The following DENND1A variants were observed in gnomAD, a reference collection of about 807,000 sequenced individuals.
DENND1A encodes DENN domain containing 1A, also known as DENN domain-containing protein 1A.
A neutral mutation model predicts 113.7 loss-of-function variants in DENND1A; 51 were observed. That is an observed-to-expected ratio of 0.45 (90% confidence interval 0.36 to 0.57). The LOEUF is 0.57. DENND1A is among the 20% of genes least tolerant of loss of function. DENND1A has a pLI of 0.00. For missense variants in DENND1A, 1,258 were observed against 1,395.9 expected (o/e 0.90, Z 1.57); for synonymous variants, 565 against 570.8 (o/e 0.99, Z 0.14).
At chr9:123,385,129 C>G (rs2042490673) in intron 22 of DENND1A, among the ~76,000 whole-genome samples, 1 of 152,190 alleles carries the variant, frequency 6.6e-6, no homozygotes, top group Admixed American at 6.5e-5. Flanking sequence ...ACCCTTACCT[C>G]TAGTGGAGCC....
chr9:123,725,773 C>T (rs2067663003), intron 5 of DENND1A, among the ~76,000 whole-genome samples: 1 of 152,246 alleles, frequency 6.6e-6, no homozygotes, highest in South Asian at 2.1e-4. Context: ...ACTTCTTGTG[C>T]TTTCGGGCTG....
At chr9:123,622,743 A>G (rs1345534310) in intron 10 of DENND1A, among the ~76,000 whole-genome samples, 1 of 152,212 alleles carries the variant, frequency 6.6e-6, no homozygotes, top group Non-Finnish European at 1.5e-5. Context: ...AGCTATATTT[A>G]CCTTGCAGCT....
At chr9:123,752,721 C>G (rs182380599) in intron 5 of DENND1A, among the ~76,000 whole-genome samples, 87 of 152,220 alleles carry the variant, frequency 5.7e-4, no homozygotes, top group African/African-American at 2.0e-3. Context: ...ATATCAAGTG[C>G]CATAACAAAT....
At chr9:123,897,435 C>T (rs749200886) in intron 1 of DENND1A, among the ~76,000 whole-genome samples, 2 of 152,212 alleles carry the variant, frequency 1.3e-5, no homozygotes. Context: ...CCTTTCCCTA[C>T]AACCAGAGGA....
intron 9 of DENND1A, among the ~76,000 whole-genome samples, chr9:123,650,906 CA>C (rs76905879): frequency 0.1 from 3,734 of 35,682 alleles, 60 homozygotes; most frequent in African/African-American, 0.22. Context: ...GACTCTGTCT[CA>C]AAAAAAAAAA....
chr9:123,860,857 G>A (rs1037270457), intron 2 of DENND1A, among the ~76,000 whole-genome samples: 2 of 152,154 alleles, frequency 1.3e-5, no homozygotes, highest in African/African-American at 4.8e-5. Flanking sequence ...TGTGCATATT[G>A]TGAAATCTCA....
chr9:123,633,397 G>A (rs976367790), intron 9 of DENND1A, among the ~76,000 whole-genome samples: 2 of 151,934 alleles, frequency 1.3e-5, no homozygotes, highest in Non-Finnish European at 2.9e-5. Context: ...TATACTCACA[G>A]TACAAAGACA....
chr9:123,633,763 A>G (rs10818852), intron 9 of DENND1A, among the ~76,000 whole-genome samples: 66,748 of 151,974 alleles, frequency 0.44, 15,503 homozygotes, highest in African/African-American at 0.59. Context: ...GCAACAGAGC[A>G]AGACTCTGTC....
At chr9:123,911,455 A>C (rs1853943706) in intron 1 of DENND1A, among the ~76,000 whole-genome samples, 1 of 152,246 alleles carries the variant, frequency 6.6e-6, no homozygotes, top group Admixed American at 6.5e-5. Context: ...GTTAACTGTA[A>C]GACATCTATA....
At chr9:123,899,550 T>C (rs1055397474) in intron 1 of DENND1A, among the ~76,000 whole-genome samples, 6 of 152,218 alleles carry the variant, frequency 3.9e-5, no homozygotes, top group Non-Finnish European at 8.8e-5. Flanking sequence ...CTTTATCACC[T>C]GCTACTCCCT....
At chr9:123,600,524 C>A (rs2059895819) in intron 11 of DENND1A, among the ~76,000 whole-genome samples, 1 of 152,160 alleles carries the variant, frequency 6.6e-6, no homozygotes, top group Admixed American at 6.5e-5. Context: ...GACCCTCATT[C>A]AATGGTCAAG....
intron 13 of DENND1A, among the ~76,000 whole-genome samples, chr9:123,536,589 G>A (rs967811640): frequency 6.6e-5 from 10 of 152,162 alleles, no homozygotes; most frequent in Non-Finnish European, 1.0e-4. Context: ...GTCAGTGTGA[G>A]GGGCCCATGG....
At chr9:123,700,499 T>C (rs1365254415) in intron 5 of DENND1A, among the ~76,000 whole-genome samples, 44 of 152,334 alleles carry the variant, frequency 2.9e-4, no homozygotes, top group Admixed American at 2.7e-3. Flanking sequence ...CAACTGATGT[T>C]GCAGTCCTGA....
intron 19 of DENND1A, among the ~76,000 whole-genome samples, chr9:123,430,688 G>A (rs960091153): frequency 2.6e-5 from 4 of 152,156 alleles, no homozygotes; most frequent in African/African-American, 9.7e-5. Context: ...GTGGGGAGGC[G>A]AGCCAGAGCA....
rs1008324607 is a variant in DENND1A, at chr9:123,834,695, G to A, written c.89-42065C>T. Among the ~76,000 whole-genome samples the A allele has an allele frequency of 7.4e-4, 112 of 152,260 alleles. 1 individual carries two copies. Among genetic ancestry groups the A allele is most frequent in the Admixed American group, 2.5e-3 (38 of 15,288 alleles). ...TAGGTTTTCTCCAAGAAACAAAACG[G>A]ACTTCTCAATGATAGACGAGCAAGC... On this transcript the variant is annotated intron_variant, in intron 2 of 23. Coordinates refer to ENST00000394215, the MANE Select transcript of DENND1A (RefSeq NM_001352964.2).
At chr9:123,812,763 TA>T (rs1000023983) in intron 2 of DENND1A, among the ~76,000 whole-genome samples, 16 of 152,334 alleles carry the variant, frequency 1.1e-4, no homozygotes, top group Admixed American at 3.3e-4. Context: ...TTTCATCTAA[TA>T]TTTTTTGCCT....
intron 10 of DENND1A, among the ~76,000 whole-genome samples, chr9:123,621,468 A>G (rs2060961848): frequency 6.6e-6 from 1 of 152,218 alleles, no homozygotes; most frequent in African/African-American, 2.4e-5. Flanking sequence ...TATAGGTGTG[A>G]GCCACCATAC....
At chr9:123,516,811 G>A (rs2053949958) in intron 13 of DENND1A, among the ~76,000 whole-genome samples, 1 of 140,946 alleles carries the variant, frequency 7.1e-6, no homozygotes, top group South Asian at 2.3e-4. Context: ...TTGAACCCGG[G>A]AGGCAGAAGT....
chr9:123,575,319 G>A (rs2058576373), intron 12 of DENND1A, among the ~76,000 whole-genome samples: 1 of 152,186 alleles, frequency 6.6e-6, no homozygotes, highest in African/African-American at 2.4e-5. Flanking sequence ...GATCTGACAG[G>A]AGGTAGAGTG....
Sources: allele counts gnomAD v4.1 joint callset (sites outside exome capture counted in the v4.1 genomes callset), GRCh38; gene constraint gnomAD v4.1.1; transcripts MANE v1.5; gene names NCBI Gene and HGNC (gene_info 2026-07-23, HGNC 2026-07-21).